The following ATP2C1 variants were observed in gnomAD, a reference collection of about 807,000 sequenced individuals.
ATP2C1 encodes the protein calcium-transporting ATPase type 2C member 1.
ATP2C1 carries 31 observed loss-of-function variants against 120.5 expected under a neutral mutation model. The observed-to-expected ratio is 0.26, with a 90% CI of 0.19 to 0.35. ATP2C1 has a LOEUF of 0.35. ATP2C1 is among the 10% of genes least tolerant of loss of function. The probability of loss-of-function intolerance (pLI) is 1.00; values close to 1 mark genes in which losing one functional copy is unlikely to be tolerated. For missense variants in ATP2C1, 731 were observed against 1,107.5 expected (o/e 0.66, Z 4.83); for synonymous variants, 351 against 358.7 (o/e 0.98, Z 0.24).
At chr3:130,993,625 A>G (rs1296310797) in intron 21 of ATP2C1, among the ~76,000 whole-genome samples, 1 of 152,202 alleles carries the variant, frequency 6.6e-6, no homozygotes, top group African/African-American at 2.4e-5. Flanking sequence ...AGTCCAAAAC[A>G]TCTCCACACA....
chr3:131,003,186 T>A (rs2062974373), downstream of ATP2C1: 2 of 975,194 alleles, frequency 2.1e-6, no homozygotes, highest in Admixed American at 6.2e-5. Context: ...ATTAAAATTA[T>A]CCATATGGAT....
intron 2 of ATP2C1, chr3:130,918,945 TCG>T: frequency 2.8e-6 from 1 of 360,040 alleles, no homozygotes; most frequent in Non-Finnish European, 5.4e-6. Context: ...TGAGCCTAGA[TCG>T]CGCCACTGCA....
At chr3:130,915,007 C>T (rs2058616692) in intron 2 of ATP2C1, among the ~76,000 whole-genome samples, 1 of 151,922 alleles carries the variant, frequency 6.6e-6, no homozygotes, top group Non-Finnish European at 1.5e-5. Flanking sequence ...CTTTGGATGA[C>T]AGGAGGGTTC....
intron 2 of ATP2C1, chr3:130,919,219 TTTC>T (rs1019931012): frequency 5.8e-6 from 1 of 172,134 alleles, no homozygotes. Flanking sequence ...TTAGAATTTC[TTTC>T]TTTCTTTCTT....
rs1262992606 is a variant in ATP2C1, at chr3:130,999,263, A to G, written c.2488-255A>G. Among the ~76,000 whole-genome samples, 6 of 152,186 alleles carry G rather than the reference A, an allele frequency of 3.9e-5. No individual in the cohort carries two copies. The East Asian group carries it at 5.8e-4, about 15-fold the overall frequency. ...ATGTTAAAAGGTTTCTTTTCTTTCT[A>G]TGGTCTAAATTATATAGTGTCACTT... On this transcript the variant is annotated intron_variant, in intron 26 of 27. Coordinates refer to ENST00000510168, the MANE Select transcript of ATP2C1 (RefSeq NM_001378687.1).
At chr3:130,965,353 T>C (rs1489959408) in intron 14 of ATP2C1, among the ~76,000 whole-genome samples, 2 of 152,074 alleles carry the variant, frequency 1.3e-5, no homozygotes, top group Admixed American at 6.6e-5. Context: ...CCAGCTTCTT[T>C]AAGTTACCGC....
At chr3:130,983,083 A>T (rs2108799564) in intron 20 of ATP2C1, among the ~76,000 whole-genome samples, 1 of 152,290 alleles carries the variant, frequency 6.6e-6, no homozygotes, top group South Asian at 2.1e-4. Context: ...GTGTGTATAA[A>T]TGCATAGCAT....
chr3:130,883,034 C>T (rs1394121829), intron 1 of ATP2C1, among the ~76,000 whole-genome samples: 1 of 152,106 alleles, frequency 6.6e-6, no homozygotes, highest in Non-Finnish European at 1.5e-5. Flanking sequence ...TTACTTGTTA[C>T]TGTTCAGGCT....
In ATP2C1 at chr3:130,959,257, T is replaced by C. The variant is rs781312362; in HGVS notation, c.833-18T>C. The C allele has an allele frequency of 3.8e-6, 6 of 1,586,382 alleles. No homozygotes were observed. The Admixed American group carries it at 1.0e-4, about 27-fold the overall frequency. On this transcript the variant is annotated intron_variant, in intron 11 of 27. Transcript: ENST00000510168. ...ATTGTATGTAAAAGGGAAAAATAAC[T>C]ATTTAATTATCTTTCAGGAATCATC...
intron 2 of ATP2C1, among the ~76,000 whole-genome samples, chr3:130,919,629 A>G (rs1412710733): frequency 6.6e-6 from 1 of 152,194 alleles, no homozygotes; most frequent in Non-Finnish European, 1.5e-5. Flanking sequence ...TCACTATCAC[A>G]TTGTGAATAG....
At chr3:130,941,001 A>G (rs1421602662) in intron 7 of ATP2C1, among the ~76,000 whole-genome samples, 1 of 114,544 alleles carries the variant, frequency 8.7e-6, no homozygotes, top group South Asian at 3.0e-4. Context: ...TGCAAGCTCC[A>G]TCTGCCGGGT....
At chr3:131,004,195 A>G (rs1198006308), downstream of ATP2C1, among the ~76,000 whole-genome samples, 1 of 152,222 alleles carries the variant, frequency 6.6e-6, no homozygotes, top group Non-Finnish European at 1.5e-5. Flanking sequence ...TTTTCACTAG[A>G]TGTTTCCTTG....
intron 8 of ATP2C1, among the ~76,000 whole-genome samples, chr3:130,945,247 C>G (rs1047423948): frequency 6.6e-6 from 1 of 152,156 alleles, no homozygotes; most frequent in African/African-American, 2.4e-5. Context: ...AGAGGCACCA[C>G]TGGCCAATTA....
chr3:130,961,097 G>T (rs1486907092), intron 12 of ATP2C1, among the ~76,000 whole-genome samples: 3 of 151,640 alleles, frequency 2.0e-5, no homozygotes, highest in Non-Finnish European at 4.4e-5. Context: ...CTCAAGGGAG[G>T]GGGTGAAAAT....
chr3:130,967,478 A>G (rs2061099550), intron 16 of ATP2C1, 59 bp downstream of exon 16: 3 of 1,387,684 alleles, frequency 2.2e-6, no homozygotes, highest in East Asian at 4.6e-5. Flanking sequence ...AACAGAATGC[A>G]GTGTCATCAA....
chr3:130,894,683 C>T lies in ATP2C1; in HGVS notation c.-87C>T. On this transcript the variant is annotated 5_prime_UTR_variant, in exon 2 of 28. Coordinates refer to ENST00000510168, the MANE Select transcript of ATP2C1 (RefSeq NM_001378687.1). The surrounding 1 kb of genome is among the most constrained non-coding windows in gnomAD (Gnocchi z 4.5). ...ATTCCGGGGGCTTCTCTTCCTTGTCCTCCTCCTCTCCTCTCTATTCCCAGT... is the reference window on the plus strand; with the variant it reads ...ATTCCGGGGGCTTCTCTTCCTTGTCTTCCTCCTCTCCTCTCTATTCCCAGT... 1 of 1,613,618 alleles carries T rather than the reference C, an allele frequency of 6.2e-7. No homozygotes were observed.
chr3:130,862,112 T>C lies in ATP2C1; in HGVS notation c.108+11184T>C, dbSNP rs571414264. On this transcript the variant is annotated intron_variant, in intron 1 of 26. Transcript: ENST00000504381. ...CCTCAGCCTCCCGAGTAGCTGGGAC[T>C]ACAGGCGCCTGCCACCATGCCTGGC... Among the ~76,000 whole-genome samples the C allele has an allele frequency of 3.3e-5, 5 of 150,710 alleles. No individual in the cohort carries two copies. The South Asian group carries it at 1.0e-3, about 31-fold the overall frequency.
chr3:130,850,671 A>AT (rs2067649247), exon 1 of ATP2C1: 1 of 451,746 alleles, frequency 2.2e-6, no homozygotes, highest in Non-Finnish European at 3.9e-6. Flanking sequence ...CCAAAAGAGG[A>AT]AACAGCAAGG....
At chr3:130,878,663 C>T (rs142270885) in intron 1 of ATP2C1, among the ~76,000 whole-genome samples, 1 of 152,116 alleles carries the variant, frequency 6.6e-6, no homozygotes, top group East Asian at 1.9e-4. Context: ...GTATAGTATT[C>T]TTGCCTGACA....
Sources: allele counts gnomAD v4.1 joint callset (sites outside exome capture counted in the v4.1 genomes callset), GRCh38; gene constraint gnomAD v4.1.1; non-coding constraint Gnocchi (gnomAD v3.1); transcripts MANE v1.5; gene names NCBI Gene and HGNC (gene_info 2026-07-23, HGNC 2026-07-21).